The following TMEM132B variants were observed in gnomAD, a reference collection of about 807,000 sequenced individuals.
TMEM132B encodes the protein transmembrane protein 132B.
TMEM132B carries 18 observed loss-of-function variants against 90.8 expected under a neutral mutation model. The ratio of observed to expected loss-of-function variants is 0.20; its 90% CI spans 0.14 to 0.29. The LOEUF (loss-of-function observed/expected upper bound fraction) is 0.29. Ranked by LOEUF, TMEM132B falls within the 10% of genes least tolerant of loss-of-function variation. The pLI is 1.00. For synonymous variants in TMEM132B, 504 were observed against 523.3 expected (o/e 0.96, Z 0.50); for missense variants, 1,096 against 1,326.8 (o/e 0.83, Z 2.70).
At chr12:125,484,631 GTTATTA>G (rs1174516134) in intron 3 of TMEM132B, among the ~76,000 whole-genome samples, 1 of 151,912 alleles carries the variant, frequency 6.6e-6, no homozygotes, top group African/African-American at 2.4e-5. Context: ...GAAACTCATT[GTTATTA>G]TTATTATTAT....
At chr12:125,537,736 A>G (rs1196294726) in intron 4 of TMEM132B, among the ~76,000 whole-genome samples, 2 of 152,176 alleles carry the variant, frequency 1.3e-5, no homozygotes, top group Non-Finnish European at 2.9e-5. Context: ...CATATCAGGG[A>G]CCACAGATGG....
At chr12:125,426,232 G>A (rs528765045) in intron 3 of TMEM132B, among the ~76,000 whole-genome samples, 1 of 152,112 alleles carries the variant, frequency 6.6e-6, no homozygotes, top group Non-Finnish European at 1.5e-5. Context: ...GCTTATTGCC[G>A]TCTATATATC....
intron 1 of TMEM132B, among the ~76,000 whole-genome samples, chr12:125,321,125 AGAG>A (rs2136190121): frequency 6.6e-6 from 1 of 152,344 alleles, no homozygotes; most frequent in Non-Finnish European, 1.5e-5. Flanking sequence ...GTTCTGGAAA[AGAG>A]GTGCTGGATC....
At position 125,187,536 on chromosome 12, in the gene TMEM132B, G is replaced by T. The variant is rs1318405512; in HGVS notation, c.67+670G>T. Reference sequence around the variant, plus strand: ...GGGAGAGGGTAGCCGCGGCCAAGCAGTCCAGGACGCGCCGGGGAGCCTGGA... The same window carrying T: ...GGGAGAGGGTAGCCGCGGCCAAGCATTCCAGGACGCGCCGGGGAGCCTGGA... On this transcript the variant is annotated intron_variant, in intron 1 of 8. Transcript: ENST00000682704. Among the ~76,000 whole-genome samples, 3 of 152,382 alleles carry T rather than the reference G, an allele frequency of 2.0e-5. No homozygotes were observed. In the East Asian group the frequency reaches 5.8e-4, roughly 29 times the overall value.
chr12:125,238,915 A>AC (rs1241844972), intron 1 of TMEM132B, among the ~76,000 whole-genome samples: 2 of 152,286 alleles, frequency 1.3e-5, no homozygotes, highest in East Asian at 3.9e-4. Flanking sequence ...CCCCACACCA[A>AC]CCCAGTCTCT....
chr12:125,283,596 A>G (rs1350713496), intron 1 of TMEM132B, among the ~76,000 whole-genome samples: 1 of 152,220 alleles, frequency 6.6e-6, no homozygotes, highest in Non-Finnish European at 1.5e-5. Flanking sequence ...AAGCGTTGAT[A>G]GGGCCAAGTC....
At chr12:125,283,436 T>C (rs1372118014) in intron 1 of TMEM132B, among the ~76,000 whole-genome samples, 1 of 152,192 alleles carries the variant, frequency 6.6e-6, no homozygotes, top group Non-Finnish European at 1.5e-5. Context: ...CTTCTGTTCC[T>C]GCTGTGTACC....
chr12:125,290,886 A>T (rs1875518863), intron 1 of TMEM132B, among the ~76,000 whole-genome samples: 1 of 152,202 alleles, frequency 6.6e-6, no homozygotes, highest in Admixed American at 6.5e-5. Flanking sequence ...TGCCCTGTGT[A>T]ATCTCCAGGA....
intron 4 of TMEM132B, among the ~76,000 whole-genome samples, chr12:125,552,439 A>G (rs1884253444): frequency 6.6e-6 from 1 of 152,186 alleles, no homozygotes; most frequent in Non-Finnish European, 1.5e-5. Flanking sequence ...GCCTTGCTCC[A>G]TTGTCTAACC....
intron 3 of TMEM132B, among the ~76,000 whole-genome samples, chr12:125,482,549 C>G (rs1191895535): frequency 6.6e-6 from 1 of 152,134 alleles, no homozygotes; most frequent in African/African-American, 2.4e-5. Flanking sequence ...AATGAGATAC[C>G]ATCTCACACC....
At chr12:125,272,413 C>G (rs985587742) in intron 1 of TMEM132B, among the ~76,000 whole-genome samples, 8 of 152,140 alleles carry the variant, frequency 5.3e-5, no homozygotes, top group Admixed American at 4.6e-4. Flanking sequence ...GGGAAATTCC[C>G]ATTTAGGCAA....
At chr12:125,365,137 T>A (rs1261355711) in intron 2 of TMEM132B, among the ~76,000 whole-genome samples, 4 of 152,022 alleles carry the variant, frequency 2.6e-5, no homozygotes, top group Non-Finnish European at 4.4e-5. Flanking sequence ...TTCCTGCTTT[T>A]TTTTTGGGCA....
intron 5 of TMEM132B, chr12:125,586,805 A>G (rs1885188699): frequency 6.6e-6 from 1 of 152,206 alleles, no homozygotes; most frequent in Non-Finnish European, 1.5e-5. Flanking sequence ...ACCAACAAGA[A>G]GTCATAAAGT....
chr12:125,490,622 C>T lies in TMEM132B; in HGVS notation c.1107-28817C>T, dbSNP rs2136556230. Among the ~76,000 whole-genome samples the T allele has an allele frequency of 6.6e-6, 1 of 152,186 alleles. No individual in the cohort carries two copies. Among genetic ancestry groups the T allele is most frequent in the East Asian group, 1.9e-4 (1 of 5,158 alleles). ...CGACTACAGACACCTGCCACCACGC[C>T]TGGCTAATTTTTTGTGTGTGTTTTT... is the stretch of plus-strand genomic sequence containing the variant. On this transcript the variant is annotated intron_variant, in intron 3 of 8. Transcript: ENST00000682704. This position sits in a 1 kb window ranked among gnomAD's most constrained non-coding sequence, Gnocchi z 4.2.
chr12:125,622,387 A>T, intron 5 of TMEM132B: 1 of 779,656 alleles, frequency 1.3e-6, no homozygotes, highest in Non-Finnish European at 1.6e-6. Flanking sequence ...AGAGTCTTTT[A>T]AAGTAAGAAT....
rs180770228 is a variant in TMEM132B, at chr12:125,268,623, A to T, written c.68-80829A>T. On this transcript the variant is annotated intron_variant, in intron 1 of 8. Coordinates refer to ENST00000682704, the MANE Select transcript of TMEM132B (RefSeq NM_001366854.1). ...AAAAAGTAATATAGTGTGTGTGTAT[A>T]TGTGCACTTTTATATACACACGATA... 7.2e-5 allele frequency among the ~76,000 whole-genome samples: 11 copies of T among 152,352 alleles called. No individual in the cohort carries two copies. The East Asian group carries it at 1.5e-3, about 21-fold the overall frequency.
At chr12:125,532,506 T>A (rs993760258) in intron 4 of TMEM132B, among the ~76,000 whole-genome samples, 1 of 150,774 alleles carries the variant, frequency 6.6e-6, no homozygotes, top group Non-Finnish European at 1.5e-5. Flanking sequence ...AGTAAAATAA[T>A]CAGGAAGCTG....
At chr12:125,411,603 G>A (rs1879841926) in intron 2 of TMEM132B, among the ~76,000 whole-genome samples, 1 of 152,114 alleles carries the variant, frequency 6.6e-6, no homozygotes, top group African/African-American at 2.4e-5. Context: ...CCTGCCTCTG[G>A]GAAGGAAAGT....
At position 125,213,798 on chromosome 12, in the gene TMEM132B, C is replaced by CA. The variant is rs1873374937; in HGVS notation, c.67+26934dup. Among the ~76,000 whole-genome samples the CA allele has an allele frequency of 6.6e-6, 1 of 152,242 alleles. No homozygotes were observed. Among genetic ancestry groups the CA allele is most frequent in the Non-Finnish European group, 1.5e-5 (1 of 68,046 alleles). ...ATTCATCCACCTGTACTCCTAGCAT[C>CA]AAGGGAGGTTCCTTGTGGCCAGTGC... is the stretch of plus-strand genomic sequence containing the variant. On this transcript the variant is annotated intron_variant, in intron 1 of 8. Transcript: ENST00000682704. This position sits in a 1 kb window ranked among gnomAD's most constrained non-coding sequence, Gnocchi z 4.2.
Sources: allele counts gnomAD v4.1 joint callset (sites outside exome capture counted in the v4.1 genomes callset), GRCh38; gene constraint gnomAD v4.1.1; non-coding constraint Gnocchi (gnomAD v3.1); transcripts MANE v1.5; gene names NCBI Gene and HGNC (gene_info 2026-07-23, HGNC 2026-07-21).